The following ZNF430 variants were observed in gnomAD, a reference collection of about 807,000 sequenced individuals.
The protein encoded by ZNF430 is zinc finger protein 430.
ZNF430 carries 35 observed loss-of-function variants against 56.7 expected under a neutral mutation model. That is an observed-to-expected ratio of 0.62 (90% CI 0.47 to 0.82). The LOEUF (loss-of-function observed/expected upper bound fraction) is 0.82, where lower values mean the gene tolerates loss of function less well. Among genes scored for constraint, ZNF430 ranks in the 40% least tolerant of loss-of-function variants. ZNF430 has a pLI of 0.00. For missense variants in ZNF430, 574 were observed against 661.0 expected, an observed-to-expected ratio of 0.87 and a Z score of 1.44; for synonymous variants, 212 against 224.3, an observed-to-expected ratio of 0.94 and a Z score of 0.49.
intron 4 of ZNF430, among the ~76,000 whole-genome samples, chr19:21,053,158 G>C (rs761122733): frequency 3.3e-5 from 5 of 152,036 alleles, no homozygotes; most frequent in Non-Finnish European, 5.9e-5. Flanking sequence ...AATTATCTAT[G>C]TTGCAAACTA....
intron 4 of ZNF430, among the ~76,000 whole-genome samples, chr19:21,039,048 C>T (rs1568587715): frequency 6.6e-6 from 1 of 152,102 alleles, no homozygotes; most frequent in Non-Finnish European, 1.5e-5. Context: ...CTCCCGGGTT[C>T]AAGGAATTCT....
chr19:21,057,834 G>A lies in ZNF430; in HGVS notation c.1526G>A (p.Gly509Glu), dbSNP rs375236440. The A allele has an allele frequency of 2.7e-5, 44 of 1,613,480 alleles. No homozygotes were observed. The highest frequency in any genetic ancestry group is 3.6e-5 in the Non-Finnish European group (42 of 1,179,902). The change falls in exon 5 of 5, where the codon GGA (glycine) becomes GAA (glutamate). Residue 509 changes from glycine to glutamate, a missense_variant. Coordinates refer to ENST00000261560, the MANE Select transcript of ZNF430 (RefSeq NM_025189.4). ...ACTAAACATAAGATAACTCATATTG[G>A]AGATACATCTTACAAATACCTAGAA... Reference protein sequence around the residue: ...NLTKHKITHIGDTSYKYLECD... With the variant: ...NLTKHKITHIEDTSYKYLECD...
At chr19:21,022,972 T>C in intron 2 of ZNF430, 91 bp downstream of exon 2, 7 of 938,058 alleles carry the variant, frequency 7.5e-6, no homozygotes, top group South Asian at 6.8e-5. Flanking sequence ...GACTGTGGCA[T>C]TGAGGGGAAA....
rs1191102840 is a variant in ZNF430, at chr19:21,046,821, T to A, written c.323-9810T>A. On this transcript the variant is annotated intron_variant, in intron 4 of 4. Transcript: ENST00000261560. ...TGATTATTATGTGTCTTGGGGATGA[T>A]CTTCTCATGGAGTATCTTACTGGGG... Among the ~76,000 whole-genome samples the A allele has an allele frequency of 5.9e-5, 9 of 152,284 alleles. No homozygotes were observed. The East Asian group carries it at 1.7e-3, about 29-fold the overall frequency.
rs377093249 is a variant in ZNF430 at position 21,057,310 on chromosome 19, A to G, written c.1002A>G (p.Thr334=). 84 of 1,613,162 alleles carry G rather than the reference A, an allele frequency of 5.2e-5. No individual in the cohort carries two copies. The highest frequency in any genetic ancestry group is 1.6e-4 in the Middle Eastern group (1 of 6,084). Residue 334 remains threonine (T), a synonymous_variant, in exon 5 of 5, where the codon ACA becomes ACG. Coordinates refer to ENST00000261560, the MANE Select transcript of ZNF430 (RefSeq NM_025189.4). ...TTAACCGGTCCTCACACCTTACTAC[A>G]CATAAGATTATTCATACTGGAGAGA... ...RAFNRSSHLT[T]HKIIHTGEKP... is the part of the protein sequence containing the mutation.
rs1440509675 is a variant in ZNF430 at position 21,059,808 on chromosome 19, CATT to C, written c.*1791_*1793del. ...ACATGAGTCTTTTTTATTAGGTGGC[CATT>C]ATTTATGATCTTTTCTATGAAAGAG... On this transcript the variant is annotated 3_prime_UTR_variant, in exon 5 of 5. Coordinates refer to ENST00000261560, the MANE Select transcript of ZNF430 (RefSeq NM_025189.4). 1 of 151,664 alleles carries C rather than the reference CATT, an allele frequency of 6.6e-6. No individual in the cohort carries two copies. Among genetic ancestry groups the C allele is most frequent in the Non-Finnish European group, 1.5e-5 (1 of 67,956 alleles). 9.4% of individuals were successfully genotyped at this position (151,664 alleles called of 1,614,324 possible).
chr19:21,020,936 G>A lies in ZNF430; in HGVS notation c.3+133G>A, dbSNP rs73546311. ...GCGCCCCGAGTTCTTGCCCAGCTGG[G>A]CCTCAGTCCCCATCAGCCTTAAGAT... On this transcript the variant is annotated intron_variant, in intron 1 of 4. Transcript: ENST00000261560. 4,190 of 1,281,164 alleles carry A rather than the reference G, an allele frequency of 3.3e-3. 118 individuals are homozygous for A. The African/African-American group carries it at 0.055, about 17-fold the overall frequency. 79.4% of individuals were successfully genotyped at this position (1,281,164 alleles called of 1,614,324 possible). A position where few individuals can be genotyped will look rare whatever the true frequency, so the allele number is the denominator to read the frequency against.
chr19:21,048,789 G>A (rs1253901714), intron 4 of ZNF430, among the ~76,000 whole-genome samples: 1 of 151,978 alleles, frequency 6.6e-6, no homozygotes. Flanking sequence ...CCTCCCGGAC[G>A]GGGCGGCTGG....
intron 2 of ZNF430, among the ~76,000 whole-genome samples, chr19:21,028,539 T>C (rs572900646): frequency 6.6e-6 from 1 of 152,306 alleles, no homozygotes; most frequent in South Asian, 2.1e-4. Context: ...CCAGGGTCAC[T>C]AAGAACCCTC....
At chr19:21,048,164 CTTTTTTTTTTTTTT>C (rs536496163) in intron 4 of ZNF430, among the ~76,000 whole-genome samples, 6 of 59,780 alleles carry the variant, frequency 1.0e-4, no homozygotes, top group Non-Finnish European at 1.4e-4. Flanking sequence ...CATAAAACAT[CTTTTTTTTTTTTTT>C]TTTTTTTTTT....
chr19:21,050,607 T>C (rs1251983485), intron 4 of ZNF430, among the ~76,000 whole-genome samples: 4 of 152,142 alleles, frequency 2.6e-5, no homozygotes, highest in Non-Finnish European at 4.4e-5. Flanking sequence ...TATTTTTGTG[T>C]GGAAGAAACA....
At chr19:21,043,435 G>A (rs1057392573) in intron 4 of ZNF430, among the ~76,000 whole-genome samples, 8 of 152,100 alleles carry the variant, frequency 5.3e-5, no homozygotes, top group Non-Finnish European at 1.2e-4. Context: ...TTGTAGATAA[G>A]CAGTCTTATT....
In ZNF430 at chr19:21,020,724, C is replaced by T. The variant is rs1974280608; in HGVS notation, c.-77C>T. On this transcript the variant is annotated 5_prime_UTR_variant, in exon 1 of 5. Transcript: ENST00000261560. Reference sequence around the variant, plus strand: ...TCTGTGTCCTCTGCTCCTAGAGGTCCAGGCTCTGTGGCCCTGTGACCCGCA... The same window carrying T: ...TCTGTGTCCTCTGCTCCTAGAGGTCTAGGCTCTGTGGCCCTGTGACCCGCA... 1 of 1,589,300 alleles carries T rather than the reference C, an allele frequency of 6.3e-7. No individual in the cohort carries two copies. The highest frequency in any genetic ancestry group is 1.3e-5 in the African/African-American group (1 of 74,302).
chr19:21,038,770 T>A (rs1968048507), intron 4 of ZNF430, among the ~76,000 whole-genome samples: 1 of 152,126 alleles, frequency 6.6e-6, no homozygotes, highest in South Asian at 2.1e-4. Context: ...TGTTTATTCT[T>A]TTTCATGGGT....
intron 2 of ZNF430, among the ~76,000 whole-genome samples, chr19:21,024,977 T>C (rs1967765768): frequency 6.6e-6 from 1 of 152,056 alleles, no homozygotes; most frequent in Non-Finnish European, 1.5e-5. Flanking sequence ...TGAAGACAAA[T>C]TCAGCTGATT....
intron 2 of ZNF430, chr19:21,026,032 C>T (rs1378281809): frequency 1.4e-5 from 5 of 362,958 alleles, no homozygotes; most frequent in African/African-American, 2.2e-5. Context: ...CCTCTGGATG[C>T]ACTCCTGGAT....
intron 2 of ZNF430, among the ~76,000 whole-genome samples, chr19:21,031,946 C>G (rs1256522328): frequency 6.6e-6 from 1 of 152,166 alleles, no homozygotes; most frequent in Non-Finnish European, 1.5e-5. Flanking sequence ...CCAGAGCTTT[C>G]TCTACATTCT....
Position 21,022,805 on chromosome 19 carries a change from G to T in ZNF430, c.20G>T (p.Gly7Val). The T allele has an allele frequency of 6.2e-7, 1 of 1,613,114 alleles. No homozygotes were observed. The highest frequency in any genetic ancestry group is 8.5e-7 in the Non-Finnish European group (1 of 1,179,110). MENLKS[G>V]VYPLKEASGC... ...CTCCCATAGGAGAACCTGAAGTCTG[G>T]AGTGTATCCTCTCAAGGAAGCAAGT... Residue 7 changes from glycine (G) to valine (V), a missense_variant, in exon 2 of 5, where the codon GGA becomes GTA. Coordinates refer to ENST00000261560, the MANE Select transcript of ZNF430 (RefSeq NM_025189.4).
chr19:21,048,649 C>G (rs9941492), intron 4 of ZNF430, among the ~76,000 whole-genome samples: 1 of 151,830 alleles, frequency 6.6e-6, no homozygotes, highest in African/African-American at 2.4e-5. Context: ...CTTTTCTATT[C>G]GACAAAACCG....
Sources: allele counts gnomAD v4.1 joint callset (sites outside exome capture counted in the v4.1 genomes callset), GRCh38; gene constraint gnomAD v4.1.1; transcripts MANE v1.5; gene names NCBI Gene and HGNC (gene_info 2026-07-23, HGNC 2026-07-21).